Variants in CNTNAP5 observed in about 807,000 individuals in gnomAD.
CNTNAP5 encodes the protein contactin associated protein family member 5.
CNTNAP5 carries 72 observed loss-of-function variants against 150.2 expected under a neutral mutation model. The ratio of observed to expected loss-of-function variants is 0.48; its 90% CI spans 0.40 to 0.58. The LOEUF (loss-of-function observed/expected upper bound fraction) is 0.58. Ranked by LOEUF, CNTNAP5 falls within the 20% of genes least tolerant of loss-of-function variation. The pLI, the probability that CNTNAP5 is intolerant of heterozygous loss-of-function variation, is 0.00. For missense variants in CNTNAP5, 1,636 were observed against 1,626.2 expected (o/e 1.01, Z -0.10); for synonymous variants, 672 against 619.8 (o/e 1.08, Z -1.25).
chr2:124,810,425 C>G (rs1682183348), intron 19 of CNTNAP5, among the ~76,000 whole-genome samples: 1 of 152,060 alleles, frequency 6.6e-6, no homozygotes, highest in African/African-American at 2.4e-5. Context: ...TCTGGCTTCC[C>G]CAGATACAGT....
At chr2:124,551,768 T>C (rs1695632496) in intron 10 of CNTNAP5, among the ~76,000 whole-genome samples, 1 of 152,236 alleles carries the variant, frequency 6.6e-6, no homozygotes, top group Admixed American at 6.5e-5. Flanking sequence ...CAAAGGCCTG[T>C]CATTTGGTGT....
intron 17 of CNTNAP5, among the ~76,000 whole-genome samples, chr2:124,782,734 G>T (rs541426198): frequency 6.6e-6 from 1 of 152,040 alleles, no homozygotes; most frequent in African/African-American, 2.4e-5. Context: ...AGTATAAATC[G>T]AAACAGTTAA....
At chr2:124,276,714 T>C (rs890646992) in intron 3 of CNTNAP5, among the ~76,000 whole-genome samples, 1 of 152,136 alleles carries the variant, frequency 6.6e-6, no homozygotes, top group African/African-American at 2.4e-5. Flanking sequence ...TCTGGGCTGG[T>C]CAGGGAAAAT....
chr2:124,451,925 C>T (rs1692991324), intron 6 of CNTNAP5, among the ~76,000 whole-genome samples: 1 of 152,138 alleles, frequency 6.6e-6, no homozygotes, highest in African/African-American at 2.4e-5. Flanking sequence ...CAATTTCTGC[C>T]TTGCTTCACA....
At chr2:124,588,356 G>A (rs1696604007) in intron 11 of CNTNAP5, among the ~76,000 whole-genome samples, 1 of 151,894 alleles carries the variant, frequency 6.6e-6, no homozygotes, top group Non-Finnish European at 1.5e-5. Flanking sequence ...TATCCCCAGA[G>A]ATTCTGGTTT....
chr2:124,487,485 G>A (rs1693913150), intron 7 of CNTNAP5, among the ~76,000 whole-genome samples: 1 of 152,182 alleles, frequency 6.6e-6, no homozygotes, highest in Non-Finnish European at 1.5e-5. Flanking sequence ...GCCACATGGT[G>A]GATGCCTGTA....
intron 4 of CNTNAP5, among the ~76,000 whole-genome samples, chr2:124,429,662 C>G (rs531792476): frequency 6.6e-6 from 1 of 152,290 alleles, no homozygotes; most frequent in South Asian, 2.1e-4. Flanking sequence ...CGGAGGAAAG[C>G]TCCCGCACCC....
intron 3 of CNTNAP5, among the ~76,000 whole-genome samples, chr2:124,289,798 C>G (rs762293728): frequency 6.6e-6 from 1 of 152,130 alleles, no homozygotes; most frequent in Non-Finnish European, 1.5e-5. Context: ...ATGCTCTTTG[C>G]CTCTACAGCA....
At chr2:124,485,965 A>C (rs1455599678) in intron 7 of CNTNAP5, among the ~76,000 whole-genome samples, 1 of 152,222 alleles carries the variant, frequency 6.6e-6, no homozygotes, top group Non-Finnish European at 1.5e-5. Flanking sequence ...GTGTCTACCC[A>C]GAGGAAAATA....
chr2:124,290,874 C>CTTTATTTATTTATTTA (rs59044145), intron 3 of CNTNAP5, among the ~76,000 whole-genome samples: 1 of 148,444 alleles, frequency 6.7e-6, no homozygotes, highest in Non-Finnish European at 1.5e-5. Flanking sequence ...ATCTTCCTTC[C>CTTTATTTATTTATTTA]TTTATTTATT....
At chr2:124,086,276 A>C (rs28828700) in intron 1 of CNTNAP5, among the ~76,000 whole-genome samples, 28,906 of 143,642 alleles carry the variant, frequency 0.2, 3,134 homozygotes, top group Admixed American at 0.31. Flanking sequence ...GGCTCATTGC[A>C]AGCTCCGCCT....
intron 11 of CNTNAP5, among the ~76,000 whole-genome samples, chr2:124,603,257 G>A (rs750413711): frequency 6.6e-6 from 1 of 152,102 alleles, no homozygotes; most frequent in Non-Finnish European, 1.5e-5. Flanking sequence ...AGTGTGGCTG[G>A]GCATGTGGGC....
chr2:124,909,784 A>G (rs1678614497), intron 22 of CNTNAP5, among the ~76,000 whole-genome samples: 1 of 136,944 alleles, frequency 7.3e-6, no homozygotes, highest in African/African-American at 2.8e-5. Context: ...TGTCTCTAAC[A>G]CCCACTATCA....
intron 12 of CNTNAP5, 147 bp downstream of exon 12, chr2:124,610,067 G>C: frequency 1.2e-6 from 1 of 837,992 alleles, no homozygotes; most frequent in Non-Finnish European, 1.7e-6. Context: ...ATTCTGGTGA[G>C]TAATGCAAAT....
intron 6 of CNTNAP5, among the ~76,000 whole-genome samples, chr2:124,448,944 TGTG>T (rs1243600272): frequency 6.6e-6 from 1 of 152,214 alleles, no homozygotes; most frequent in Non-Finnish European, 1.5e-5. Flanking sequence ...CGTACATACC[TGTG>T]GGTATGTGTG....
intron 2 of CNTNAP5, among the ~76,000 whole-genome samples, chr2:124,231,428 T>G (rs1230493753): frequency 1.3e-5 from 2 of 152,166 alleles, no homozygotes; most frequent in East Asian, 1.9e-4. Flanking sequence ...TTGGTAGGGC[T>G]TGAATTTGAA....
intron 10 of CNTNAP5, among the ~76,000 whole-genome samples, chr2:124,552,790 C>T (rs1695656571): frequency 6.6e-6 from 1 of 152,096 alleles, no homozygotes; most frequent in Non-Finnish European, 1.5e-5. Flanking sequence ...TGAGATGGTA[C>T]TTATATTCCC....
intron 13 of CNTNAP5, among the ~76,000 whole-genome samples, chr2:124,722,763 G>T (rs909015612): frequency 6.6e-6 from 1 of 152,174 alleles, no homozygotes; most frequent in African/African-American, 2.4e-5. Context: ...CAGGACAGTG[G>T]CCGCAGTGAC....
chr2:124,283,822 C>T (rs1465849165), intron 3 of CNTNAP5, among the ~76,000 whole-genome samples: 2 of 152,170 alleles, frequency 1.3e-5, no homozygotes, highest in African/African-American at 4.8e-5. Flanking sequence ...GCTGTGTCTT[C>T]ACATGGTCTC....
Sources: gnomAD v4.1 joint callset for allele counts (sites outside exome capture counted in the v4.1 genomes callset) on GRCh38, gnomAD v4.1.1 for gene constraint, MANE v1.5 for transcripts, NCBI Gene and HGNC (gene_info 2026-07-23, HGNC 2026-07-21) for gene names.